Variants in PLA2G4B observed in about 807,000 individuals in gnomAD.
PLA2G4B encodes the protein phospholipase A2 group IVB.
A neutral mutation model predicts 95.8 loss-of-function variants in PLA2G4B; 122 were observed. That is an observed-to-expected ratio of 1.27 (90% CI 1.10 to 1.48). PLA2G4B has a LOEUF of 1.48. Ranked by LOEUF, PLA2G4B falls within the 40% of genes most tolerant of loss-of-function variation. The pLI is 0.00. For synonymous variants in PLA2G4B, 518 were observed against 421.5 expected (o/e 1.23, Z -2.80); for missense variants, 1,158 against 996.2 (o/e 1.16, Z -2.19).
intron 14 of PLA2G4B, 129 bp downstream of exon 14, chr15:41,845,449 G>T (rs546012114): frequency 6.9e-7 from 1 of 1,451,070 alleles, no homozygotes; most frequent in Non-Finnish European, 9.3e-7. Context: ...TCTGGAGACC[G>T]GCACCCTACC....
Position 41,843,729 on chromosome 15 carries a change from C to G in PLA2G4B, c.797C>G (p.Ala266Gly), listed in dbSNP as rs1045346454. The G allele has an allele frequency of 6.2e-7, 1 of 1,614,058 alleles. No homozygotes were observed. The change falls in exon 11 of 20, where the codon GCC becomes GGC. Residue 266 changes from alanine to glycine, a missense_variant. By Grantham distance (60) the Ala-to-Gly change is moderately conservative. Coordinates refer to ENST00000458483, the MANE Select transcript of PLA2G4B (RefSeq NM_001114633.2). The stretch of plus-strand genomic sequence containing the variant: ...TTCGGGCCCTGTGCAGAGGAGCAGG[C>G]CTTCCTGAGCAGGAGGAAGCAGGTG... Reference protein sequence around the residue: ...LGFGPCAEEQAFLSRRKQVVA... With the variant: ...LGFGPCAEEQGFLSRRKQVVA...
intron 2 of PLA2G4B, 110 bp from the exon 3 acceptor site, chr15:41,840,414 C>T (rs2065405258): frequency 1.9e-6 from 3 of 1,593,736 alleles, no homozygotes; most frequent in Non-Finnish European, 2.6e-6. Context: ...CCCCCACTTC[C>T]CCTCCCCCTC....
intron 16 of PLA2G4B, 50 bp downstream of exon 16, chr15:41,846,097 G>A (rs1420128206): frequency 6.4e-7 from 1 of 1,572,420 alleles, no homozygotes; most frequent in Non-Finnish European, 8.7e-7. Context: ...GCCAGCTGGG[G>A]CTGCACCAGG....
intron 1 of PLA2G4B, 90 bp from the exon 2 acceptor site, chr15:41,840,068 C>T (rs1271956780): frequency 6.9e-7 from 1 of 1,443,158 alleles, no homozygotes; most frequent in African/African-American, 1.4e-5. Flanking sequence ...CAGGATTAGG[C>T]CTTGAGGCAC....
Position 41,841,502 on chromosome 15 carries a change from G to A in PLA2G4B, c.436-15G>A, listed in dbSNP as rs765156018. 1 of 1,614,076 alleles carries A rather than the reference G, an allele frequency of 6.2e-7. No homozygotes were observed. Among genetic ancestry groups the A allele is most frequent in the South Asian group, 1.1e-5 (1 of 91,084 alleles). The stretch of plus-strand genomic sequence containing the variant: ...GGGTGGGGTTAGTGTCTGAGGGGCT[G>A]TCTTCATGACTCAGGCCCGGGAGCT... On this transcript the variant is annotated splice_polypyrimidine_tract_variant and intron_variant, in intron 6 of 19. Transcript: ENST00000458483.
Position 41,843,945 on chromosome 15 carries a change from C to G in PLA2G4B, c.879+134C>G, listed in dbSNP as rs1211294283. ...CTGTCCCCACCCTGCTTCCTCTCAC[C>G]TGGTGTTAGCAGGGACTTGGTACAG... On this transcript the variant is annotated intron_variant, in intron 11 of 19. Coordinates refer to ENST00000458483, the MANE Select transcript of PLA2G4B (RefSeq NM_001114633.2). The G allele has an allele frequency of 3.5e-6, 5 of 1,429,216 alleles. No homozygotes were observed. The Admixed American group carries it at 1.3e-4, about 38-fold the overall frequency. 88.5% of individuals were successfully genotyped at this position (1,429,216 alleles called of 1,614,324 possible).
At chr15:41,845,574 C>CA in intron 14 of PLA2G4B, 64 bp from the exon 15 acceptor site, 1 of 1,592,206 alleles carries the variant, frequency 6.3e-7, no homozygotes, top group South Asian at 1.1e-5. Flanking sequence ...AACCCTGGGT[C>CA]GGGGTGGGGG....
Position 41,847,480 on chromosome 15 carries a change from C to T in PLA2G4B, c.2091C>T (p.His697=), listed in dbSNP as rs201729622. Residue 697 remains histidine (H), a synonymous_variant, in exon 19 of 20, where the codon CAC becomes CAT. Coordinates refer to ENST00000458483, the MANE Select transcript of PLA2G4B (RefSeq NM_001114633.2). ...PTCPGAPAVL[H]FPLVSDSFRE... Reference sequence around the variant, plus strand: ...GCCCCGGAGCCCCTGCGGTGCTGCACTTTCCTCTGGTCAGCGACTCCTTCC... The same window carrying T: ...GCCCCGGAGCCCCTGCGGTGCTGCATTTTCCTCTGGTCAGCGACTCCTTCC... 5.6e-6 allele frequency: 9 copies of T among 1,611,980 alleles called. No homozygotes were observed. In the Admixed American group the frequency reaches 1.0e-4, roughly 18 times the overall value.
chr15:41,846,409 T>G, intron 17 of PLA2G4B, 27 bp downstream of exon 17: 1 of 1,587,372 alleles, frequency 6.3e-7, no homozygotes, highest in Non-Finnish European at 8.6e-7. Context: ...AAAGTCCTCC[T>G]GTGGCCACCT....
rs776726683 is a variant in PLA2G4B at position 41,840,624 on chromosome 15, C to T, written c.183C>T (p.Asn61=). 1.2e-6 allele frequency: 2 copies of T among 1,614,006 alleles called. No homozygotes were observed. The highest frequency in any genetic ancestry group is 1.6e-4 in the Middle Eastern group (1 of 6,062). ...TVKNSSSPVW[N]QSFHFRIHRQ... ...AGAACAGCAGTAGCCCTGTCTGGAA[C>T]CAGAGCTTTCACTTCAGGATCCACA... is the stretch of plus-strand genomic sequence containing the variant. The change falls in exon 3 of 20, where the codon AAC becomes AAT. Residue 61 remains asparagine (N), a synonymous_variant. Transcript: ENST00000458483.
In PLA2G4B at chr15:41,847,914, G is replaced by A. The variant is rs2065607643; in HGVS notation, c.*54G>A. On this transcript the variant is annotated 3_prime_UTR_variant, in exon 20 of 20. Coordinates refer to ENST00000458483, the MANE Select transcript of PLA2G4B (RefSeq NM_001114633.2). ...TCATTCATTCCCTGGCTGCTGAGTT[G>A]CAGGTGGGAACTGTCATCACGCAGT... The A allele has an allele frequency of 6.4e-7, 1 of 1,569,170 alleles. No homozygotes were observed. The highest frequency in any genetic ancestry group is 8.6e-7 in the Non-Finnish European group (1 of 1,159,326).
chr15:41,840,020 T>C, intron 1 of PLA2G4B, 138 bp from the exon 2 acceptor site: 1 of 951,146 alleles, frequency 1.1e-6, no homozygotes, highest in Non-Finnish European at 1.5e-6. Flanking sequence ...CTCTTGTTGA[T>C]TCAGGATTCT....
At chr15:41,847,009 G>T (rs1174136838) in intron 18 of PLA2G4B, among the ~76,000 whole-genome samples, 174 bp downstream of exon 18, 1 of 152,148 alleles carries the variant, frequency 6.6e-6, no homozygotes, top group Non-Finnish European at 1.5e-5. Flanking sequence ...TGGGAGGCTG[G>T]CGAGGTTCTC....
Position 41,845,985 on chromosome 15 carries a change from T to C in PLA2G4B, c.1538T>C (p.Leu513Ser), listed in dbSNP as rs767692181. 6.6e-7 allele frequency: 1 copy of C among 1,521,278 alleles called. No individual in the cohort carries two copies. The highest frequency in any genetic ancestry group is 8.8e-7 in the Non-Finnish European group (1 of 1,135,702). The allele number at this position is 1,521,278 out of a possible 1,614,324, so 94.2% of individuals were successfully genotyped here. A position where few individuals can be genotyped will look rare whatever the true frequency, so the allele number is the denominator to read the frequency against. The change falls in exon 16 of 20, where the codon TTA (leucine) becomes TCA (serine). Residue 513 changes from leucine (L) to serine (S), a missense_variant. By Grantham distance (145) the Leu-to-Ser change is moderately radical. Transcript: ENST00000458483. The stretch of plus-strand genomic sequence containing the variant: ...TATGCAGCCAACCTCCAGGACAGCT[T>C]ATACTGGGCCTCAGAGCCCAGCCAG... ...NLYAANLQDS[L>S]YWASEPSQFW...
intron 18 of PLA2G4B, among the ~76,000 whole-genome samples, 199 bp from the exon 19 acceptor site, chr15:41,847,138 C>G (rs2065573685): frequency 6.6e-6 from 1 of 152,154 alleles, no homozygotes; most frequent in African/African-American, 2.4e-5. Context: ...TGGGAGTAAC[C>G]CGGCTCCGTC....
chr15:41,842,029 C>T (rs2065441102), intron 8 of PLA2G4B, 80 bp downstream of exon 8: 1 of 1,563,472 alleles, frequency 6.4e-7, no homozygotes, highest in Admixed American at 1.8e-5. Context: ...CTGACCTCTG[C>T]TCCACCTGGC....
In PLA2G4B at chr15:41,840,207, A is replaced by G. The variant is rs1479023507; in HGVS notation, c.59A>G (p.His20Arg). Residue 20 changes from histidine (H) to arginine (R), a missense_variant, in exon 2 of 20, where the codon CAT becomes CGT. Transcript: ENST00000458483. ...CTCACGGTTCGTGTCCTGCAGGCCC[A>G]TCGCCTACCCTCTAAGGACCTAGGT... ...CLLTVRVLQA[H>R]RLPSKDLVTP... 4.3e-6 allele frequency: 7 copies of G among 1,613,242 alleles called. No homozygotes were observed. The highest frequency in any genetic ancestry group is 5.9e-6 in the Non-Finnish European group (7 of 1,179,976).
rs372488051 is a variant in PLA2G4B, at chr15:41,843,668, C to G, written c.744-8C>G. The G allele has an allele frequency of 2.5e-6, 4 of 1,612,532 alleles. No homozygotes were observed. The highest frequency in any genetic ancestry group is 1.7e-4 in the Middle Eastern group (1 of 6,056). On this transcript the variant is annotated splice_region_variant and splice_polypyrimidine_tract_variant and intron_variant, in intron 10 of 19. Transcript: ENST00000458483. Reference sequence around the variant, plus strand: ...AGCTGTCTCACAGTCTCTTCCTTCCCCGGCCAGACTGAGGGAGCTGGCCGT... The same window carrying G: ...AGCTGTCTCACAGTCTCTTCCTTCCGCGGCCAGACTGAGGGAGCTGGCCGT...
intron 16 of PLA2G4B, 25 bp from the exon 17 acceptor site, chr15:41,846,178 C>G (rs2065540045): frequency 1.2e-6 from 2 of 1,603,658 alleles, no homozygotes; most frequent in African/African-American, 2.7e-5. Context: ...CAGGAGTCCC[C>G]ATTTCCCCCA....
Sources: gnomAD v4.1 joint callset for allele counts (sites outside exome capture counted in the v4.1 genomes callset) on GRCh38, gnomAD v4.1.1 for gene constraint, MANE v1.5 for transcripts, NCBI Gene and HGNC (gene_info 2026-07-23, HGNC 2026-07-21) for gene names.